EBF1: variants seen among roughly 807,000 people sequenced by gnomAD.
EBF1 encodes EBF transcription factor 1.
A neutral mutation model predicts 68.4 loss-of-function variants in EBF1; 10 were observed. The observed-to-expected ratio is 0.15, with a 90% CI of 0.09 to 0.25. The LOEUF (loss-of-function observed/expected upper bound fraction) is 0.25, where lower values mean the gene tolerates loss of function less well. Among genes scored for constraint, EBF1 ranks in the 10% least tolerant of loss-of-function variants. EBF1 has a pLI of 1.00. For missense variants in EBF1, 509 were observed against 794.4 expected (o/e 0.64, Z 4.32); for synonymous variants, 298 against 299.8 (o/e 0.99, Z 0.06).
intron 6 of EBF1, among the ~76,000 whole-genome samples, chr5:158,944,439 G>A (rs974882178): frequency 1.4e-4 from 21 of 152,200 alleles, no homozygotes; most frequent in Admixed American, 8.5e-4. Context: ...TGGTGTATAT[G>A]TGCCACGTTT....
At position 159,061,739 on chromosome 5, in the gene EBF1, T is replaced by G. The variant is rs545568187; in HGVS notation, c.554+11657A>C. 1.1e-3 allele frequency among the ~76,000 whole-genome samples: 162 copies of G among 152,126 alleles called. 1 individual carries two copies. The South Asian group carries it at 0.02, about 19-fold the overall frequency. ...CAATGAGATTGTTTTGTTTTTTTTT[T>G]TTTTACGTTTCAATCCTAAATAAAA... On this transcript the variant is annotated intron_variant, in intron 6 of 15. Transcript: ENST00000313708.
chr5:158,717,326 A>G (rs567831757), intron 11 of EBF1, among the ~76,000 whole-genome samples: 59 of 152,298 alleles, frequency 3.9e-4, no homozygotes, highest in Admixed American at 2.4e-3. Context: ...AAAAAAAGAA[A>G]TTTCCCATAA....
intron 6 of EBF1, among the ~76,000 whole-genome samples, chr5:159,008,648 C>T (rs1764039239): frequency 6.6e-6 from 1 of 151,800 alleles, no homozygotes; most frequent in African/African-American, 2.4e-5. Flanking sequence ...GCCTCAGCCT[C>T]CCAAGTAGTT....
At chr5:158,926,509 A>G (rs994542273) in intron 6 of EBF1, among the ~76,000 whole-genome samples, 2 of 152,090 alleles carry the variant, frequency 1.3e-5, no homozygotes, top group African/African-American at 4.8e-5. Flanking sequence ...GTGGATCACA[A>G]GGTCAGGAGT....
intron 6 of EBF1, among the ~76,000 whole-genome samples, chr5:158,982,234 G>A (rs1164412748): frequency 6.6e-6 from 1 of 152,182 alleles, no homozygotes; most frequent in African/African-American, 2.4e-5. Flanking sequence ...ATGAGCTAAT[G>A]AATGTAAATC....
intron 10 of EBF1, among the ~76,000 whole-genome samples, chr5:158,733,707 C>T (rs1011919236): frequency 1.7e-4 from 26 of 152,110 alleles, no homozygotes; most frequent in Non-Finnish European, 2.9e-5. Flanking sequence ...TGTCCCATGC[C>T]TTTATGATTT....
chr5:158,730,191 A>G (rs1386835325), intron 11 of EBF1, among the ~76,000 whole-genome samples: 1 of 152,234 alleles, frequency 6.6e-6, no homozygotes, highest in Non-Finnish European at 1.5e-5. Context: ...TGCCGTCAGT[A>G]AACAGTGAAT....
chr5:158,726,069 C>T (rs893674572), intron 11 of EBF1, among the ~76,000 whole-genome samples: 3 of 152,142 alleles, frequency 2.0e-5, no homozygotes, highest in African/African-American at 7.2e-5. Flanking sequence ...TAAAAACACT[C>T]GCATCTTTTG....
At chr5:158,734,961 G>A (rs991545788) in intron 10 of EBF1, among the ~76,000 whole-genome samples, 3 of 152,036 alleles carry the variant, frequency 2.0e-5, no homozygotes, top group Non-Finnish European at 4.4e-5. Context: ...AAATAGAAAA[G>A]CCTCAATGTT....
At chr5:158,971,498 T>C (rs2127563233) in intron 6 of EBF1, among the ~76,000 whole-genome samples, 1 of 151,870 alleles carries the variant, frequency 6.6e-6, no homozygotes, top group South Asian at 2.1e-4. Context: ...CTTCTTGGAG[T>C]CGTGGTTGCT....
At chr5:158,752,109 A>C (rs931004969) in intron 10 of EBF1, among the ~76,000 whole-genome samples, 13 of 152,068 alleles carry the variant, frequency 8.5e-5, no homozygotes, top group Admixed American at 3.3e-4. Flanking sequence ...ACTCAATAAA[A>C]GTTTACTGAA....
At chr5:158,910,520 C>T (rs1025394455) in intron 6 of EBF1, among the ~76,000 whole-genome samples, 3 of 152,166 alleles carry the variant, frequency 2.0e-5, no homozygotes, top group African/African-American at 7.2e-5. Context: ...AAATTAGATC[C>T]TATACTAAAG....
intron 9 of EBF1, among the ~76,000 whole-genome samples, chr5:158,792,070 T>A (rs1011038600): frequency 2.6e-5 from 4 of 152,128 alleles, no homozygotes; most frequent in Admixed American, 1.3e-4. Context: ...CAAGTGCGGC[T>A]CTGGTCAAGA....
intron 10 of EBF1, among the ~76,000 whole-genome samples, chr5:158,736,976 C>T (rs952184620): frequency 2.7e-4 from 41 of 152,204 alleles, no homozygotes; most frequent in African/African-American, 8.4e-4. Context: ...ACTTGATGCA[C>T]AAACGGCACA....
intron 10 of EBF1, among the ~76,000 whole-genome samples, chr5:158,736,194 C>T (rs1039257283): frequency 1.1e-4 from 17 of 152,134 alleles, no homozygotes; most frequent in African/African-American, 3.9e-4. Flanking sequence ...AAGCCAGATG[C>T]ATTCTCAGTT....
At chr5:158,917,783 G>T (rs1392836757) in intron 6 of EBF1, among the ~76,000 whole-genome samples, 1 of 152,194 alleles carries the variant, frequency 6.6e-6, no homozygotes, top group Non-Finnish European at 1.5e-5. Flanking sequence ...CAGAAAAACT[G>T]ATCTAGCCCA....
At chr5:158,865,915 G>C (rs1407538502) in intron 6 of EBF1, among the ~76,000 whole-genome samples, 1 of 152,186 alleles carries the variant, frequency 6.6e-6, no homozygotes, top group African/African-American at 2.4e-5. Flanking sequence ...ATTCACCATC[G>C]TTGGAGCAAA....
chr5:158,994,935 A>G (rs936269938), intron 6 of EBF1, among the ~76,000 whole-genome samples: 1 of 152,230 alleles, frequency 6.6e-6, no homozygotes, highest in African/African-American at 2.4e-5. Context: ...AATCAGTGAC[A>G]TGAGAGTCAC....
intron 9 of EBF1, among the ~76,000 whole-genome samples, chr5:158,794,521 A>C (rs773095258): frequency 1.3e-5 from 2 of 152,194 alleles, no homozygotes; most frequent in Non-Finnish European, 2.9e-5. Context: ...TATTCAATGG[A>C]GTCCACTTGG....
Sources: gnomAD v4.1 joint callset for allele counts (sites outside exome capture counted in the v4.1 genomes callset) on GRCh38, gnomAD v4.1.1 for gene constraint, MANE v1.5 for transcripts, NCBI Gene and HGNC (gene_info 2026-07-23, HGNC 2026-07-21) for gene names.